Variants in EYS observed in about 807,000 individuals in gnomAD.
The protein encoded by EYS is protein eyes shut homolog.
EYS carries 250 observed loss-of-function variants against 282.1 expected under a neutral mutation model. The ratio of observed to expected loss-of-function variants is 0.89; its 90% CI spans 0.80 to 0.98. The LOEUF (loss-of-function observed/expected upper bound fraction) is 0.98, where lower values mean the gene tolerates loss of function less well. EYS is among the 50% of genes least tolerant of loss of function. The probability of loss-of-function intolerance (pLI) is 0.00; values close to 1 mark genes in which losing one functional copy is unlikely to be tolerated. For synonymous variants in EYS, 1,355 were observed against 1,282.9 expected (o/e 1.06, Z -1.20); for missense variants, 4,016 against 3,709.0 (o/e 1.08, Z -2.15).
chr6:64,087,446 C>T (rs1455117225), intron 31 of EYS, among the ~76,000 whole-genome samples: 1 of 151,996 alleles, frequency 6.6e-6, no homozygotes. Context: ...CATTTGTTGT[C>T]ACCAGGAGCA....
At chr6:63,807,379 G>T (rs1316653699) in intron 36 of EYS, among the ~76,000 whole-genome samples, 1 of 152,176 alleles carries the variant, frequency 6.6e-6, no homozygotes, top group Non-Finnish European at 1.5e-5. Flanking sequence ...CAAGCCTTAA[G>T]AAATATACTC....
chr6:63,893,347 T>C (rs543941036), intron 35 of EYS, among the ~76,000 whole-genome samples: 2 of 152,118 alleles, frequency 1.3e-5, no homozygotes, highest in South Asian at 2.1e-4. Context: ...AAATGTTAGA[T>C]TGGATAAAGA....
At chr6:64,014,134 AG>A (rs1768774069) in intron 33 of EYS, among the ~76,000 whole-genome samples, 1 of 152,146 alleles carries the variant, frequency 6.6e-6, no homozygotes, top group Non-Finnish European at 1.5e-5. Context: ...TTTGAAAGAA[AG>A]AAGTTTTTTT....
intron 29 of EYS, among the ~76,000 whole-genome samples, chr6:64,331,139 CACTAGA>C (rs1705097539): frequency 6.6e-6 from 1 of 152,158 alleles, no homozygotes; most frequent in Non-Finnish European, 1.5e-5. Flanking sequence ...TAATAGCTCT[CACTAGA>C]ACGTTGCTCT....
chr6:65,254,768 T>A (rs191566722), intron 12 of EYS, among the ~76,000 whole-genome samples: 6 of 151,884 alleles, frequency 4.0e-5, no homozygotes, highest in African/African-American at 1.4e-4. Flanking sequence ...TTTATTTTCA[T>A]ATGAAATCAA....
chr6:64,489,432 G>A (rs959817266), intron 26 of EYS, among the ~76,000 whole-genome samples: 9 of 149,294 alleles, frequency 6.0e-5, no homozygotes, highest in Non-Finnish European at 1.1e-4. Flanking sequence ...ATATTTTCAC[G>A]ATGTAAATAA....
At chr6:64,170,562 C>A (rs1764449184) in intron 31 of EYS, among the ~76,000 whole-genome samples, 1 of 151,364 alleles carries the variant, frequency 6.6e-6, no homozygotes, top group Non-Finnish European at 1.5e-5. Flanking sequence ...CCTTGTAGTT[C>A]CTACCCTGTC....
chr6:65,674,512 A>C (rs886273050), intron 1 of EYS, among the ~76,000 whole-genome samples: 2 of 151,462 alleles, frequency 1.3e-5, no homozygotes, highest in African/African-American at 4.8e-5. Context: ...ATATACAAGA[A>C]ATCCTCCATA....
chr6:65,381,428 G>A (rs1238018362), intron 8 of EYS, among the ~76,000 whole-genome samples: 4 of 151,960 alleles, frequency 2.6e-5, no homozygotes, highest in Non-Finnish European at 5.9e-5. Context: ...TGAACACATG[G>A]AGATAGGGAG....
intron 12 of EYS, among the ~76,000 whole-genome samples, chr6:65,200,781 T>C (rs576250768): frequency 1.3e-5 from 2 of 152,066 alleles, no homozygotes; most frequent in African/African-American, 2.4e-5. Context: ...AGCCACAAAA[T>C]TTTCTCAAGC....
At chr6:65,703,793 G>A (rs1769769272) in intron 1 of EYS, among the ~76,000 whole-genome samples, 1 of 152,026 alleles carries the variant, frequency 6.6e-6, no homozygotes, top group Non-Finnish European at 1.5e-5. Flanking sequence ...GACATCTAAT[G>A]ACCTTCTCTC....
chr6:64,692,999 T>TTTTTTTTTTC (rs1770444903), intron 22 of EYS, among the ~76,000 whole-genome samples: 6 of 66,092 alleles, frequency 9.1e-5, no homozygotes, highest in Non-Finnish European at 2.2e-4. Flanking sequence ...TTTTTTTTTT[T>TTTTTTTTTTC]GGTTCCAGAG....
intron 24 of EYS, among the ~76,000 whole-genome samples, chr6:64,609,201 A>G (rs1767028943): frequency 6.6e-6 from 1 of 152,164 alleles, no homozygotes; most frequent in South Asian, 2.1e-4. Context: ...CTGTGTACCT[A>G]AAGCTCTTCC....
chr6:64,963,456 T>C (rs1270145518), intron 14 of EYS, among the ~76,000 whole-genome samples: 1 of 152,182 alleles, frequency 6.6e-6, no homozygotes, highest in Non-Finnish European at 1.5e-5. Context: ...CTCTGAAAGA[T>C]GTTAAGATAA....
chr6:63,879,924 T>A (rs888299286), intron 35 of EYS, among the ~76,000 whole-genome samples: 6 of 152,182 alleles, frequency 3.9e-5, no homozygotes, highest in Admixed American at 1.3e-4. Context: ...TAACATTTTT[T>A]CCTTAGGTTA....
intron 2 of EYS, among the ~76,000 whole-genome samples, chr6:65,573,891 G>A (rs1179807951): frequency 6.6e-6 from 1 of 152,132 alleles, no homozygotes; most frequent in African/African-American, 2.4e-5. Context: ...TAATGTGGCA[G>A]TGTAAGCCTC....
chr6:64,028,664 A>G (rs1024276929), intron 33 of EYS, among the ~76,000 whole-genome samples: 1 of 152,142 alleles, frequency 6.6e-6, no homozygotes, highest in African/African-American at 2.4e-5. Context: ...TCTTGCCCCA[A>G]GGGTTTAGGG....
At chr6:63,741,786 C>T (rs1352569614) in intron 41 of EYS, 18 of 603,770 alleles carry the variant, frequency 3.0e-5, no homozygotes, top group Non-Finnish European at 4.9e-5. Flanking sequence ...ATCAAACTGT[C>T]AACATTTCAC....
chr6:65,021,425 A>G (rs1264410964), intron 13 of EYS, among the ~76,000 whole-genome samples: 1 of 152,164 alleles, frequency 6.6e-6, no homozygotes, highest in Non-Finnish European at 1.5e-5. Context: ...ATATGAGACC[A>G]CCTCAGCCTC....
Sources: gnomAD v4.1 joint callset for allele counts (sites outside exome capture counted in the v4.1 genomes callset) on GRCh38, gnomAD v4.1.1 for gene constraint, MANE v1.5 for transcripts, NCBI Gene and HGNC (gene_info 2026-07-23, HGNC 2026-07-21) for gene names.